Variants in PHF24 observed in about 807,000 individuals in gnomAD.
The protein encoded by PHF24 is PHD finger protein 24.
A neutral mutation model predicts 42.6 loss-of-function variants in PHF24; 25 were observed. The ratio of observed to expected loss-of-function variants is 0.59; its 90% CI spans 0.43 to 0.82. The LOEUF (loss-of-function observed/expected upper bound fraction) is 0.82, where lower values mean the gene tolerates loss of function less well. Among genes scored for constraint, PHF24 ranks in the 40% least tolerant of loss-of-function variants. PHF24 has a pLI of 0.00. For missense variants in PHF24, 470 were observed against 538.1 expected, an observed-to-expected ratio of 0.87 and a Z score of 1.25; for synonymous variants, 185 against 204.8, an observed-to-expected ratio of 0.90 and a Z score of 0.83.
the PHF24 span, chr9:34,727,117 C>T: frequency 1.4e-6 from 2 of 1,423,656 alleles, no homozygotes; most frequent in Non-Finnish European, 1.8e-6. Flanking sequence ...TTGTTGTCTA[C>T]CTGTCTGCTT....
At chr9:34,798,436 G>T in the PHF24 span, among the ~76,000 whole-genome samples, 1 of 152,114 alleles carries the variant, frequency 6.6e-6, no homozygotes, top group Admixed American at 6.5e-5. Flanking sequence ...TCAATGTTTA[G>T]CACCCACTTA....
the PHF24 span, among the ~76,000 whole-genome samples, chr9:34,910,666 T>C: frequency 2.6e-5 from 4 of 152,214 alleles, no homozygotes; most frequent in African/African-American, 9.7e-5. Context: ...TAAAAGTGTA[T>C]TTACATAGTA....
rs1826469738 is a variant in PHF24, at chr9:34,958,469, T to TC, written c.-5+70dup. ...GGGGCGGGTCTGCGGCCGCGGACAG[T>TC]CCTCCGGGACTCTGAGGTGCTTGTG... is the stretch of plus-strand genomic sequence containing the variant. On this transcript the variant is annotated intron_variant, in intron 1 of 7. Coordinates refer to ENST00000242315, the Ensembl canonical transcript of PHF24. The surrounding 1 kb of genome is among the most constrained non-coding windows in gnomAD (Gnocchi z 4.5). 1 of 151,992 alleles carries TC rather than the reference T, an allele frequency of 6.6e-6. No homozygotes were observed. Among genetic ancestry groups the TC allele is most frequent in the South Asian group, 2.1e-4 (1 of 4,834 alleles). The allele number at this position is 151,992 out of a possible 1,614,324, so 9.4% of individuals were successfully genotyped here.
chr9:34,687,898 G>A, the PHF24 span, among the ~76,000 whole-genome samples: 3 of 152,244 alleles, frequency 2.0e-5, no homozygotes, highest in Non-Finnish European at 4.4e-5. Flanking sequence ...GGTGGGAAGT[G>A]CGTGAGTGGA....
the PHF24 span, among the ~76,000 whole-genome samples, chr9:34,823,289 C>T: frequency 6.6e-6 from 1 of 151,224 alleles, no homozygotes; most frequent in African/African-American, 2.4e-5. Context: ...CAGCCTGGCA[C>T]TGCCTCTGAG....
chr9:34,900,496 G>A, the PHF24 span, among the ~76,000 whole-genome samples: 1 of 152,192 alleles, frequency 6.6e-6, no homozygotes, highest in Admixed American at 6.5e-5. Flanking sequence ...CTACTCAGGA[G>A]GCTGAGGTGG....
chr9:34,741,088 G>A, the PHF24 span, among the ~76,000 whole-genome samples: 1 of 152,064 alleles, frequency 6.6e-6, no homozygotes, highest in African/African-American at 2.4e-5. Flanking sequence ...GTTTCACCAT[G>A]TTGGCCAGGC....
At chr9:34,936,008 T>A in the PHF24 span, among the ~76,000 whole-genome samples, 25 of 150,428 alleles carry the variant, frequency 1.7e-4, no homozygotes, top group Admixed American at 1.6e-3. Flanking sequence ...AAAAAAAAAT[T>A]GAGTCTCCCT....
At chr9:34,830,547 C>T in the PHF24 span, among the ~76,000 whole-genome samples, 2 of 152,050 alleles carry the variant, frequency 1.3e-5, no homozygotes, top group Non-Finnish European at 2.9e-5. Context: ...CTTAGAGGTT[C>T]GAAGGAATAT....
the PHF24 span, chr9:34,726,735 T>A: frequency 6.4e-7 from 1 of 1,551,580 alleles, no homozygotes. Flanking sequence ...AGTGTTGGGG[T>A]TACAGATGAC....
At chr9:34,806,759 C>G in the PHF24 span, among the ~76,000 whole-genome samples, 8 of 152,248 alleles carry the variant, frequency 5.3e-5, no homozygotes, top group South Asian at 1.7e-3. Context: ...GTGCCTGGCC[C>G]AGATTATAAG....
the PHF24 span, among the ~76,000 whole-genome samples, chr9:34,916,062 G>T: frequency 6.6e-6 from 1 of 152,168 alleles, no homozygotes; most frequent in Non-Finnish European, 1.5e-5. Flanking sequence ...CTTCTGCCAT[G>T]ATTGTAAGTT....
chr9:34,680,809 T>C, the PHF24 span: 1 of 152,256 alleles, frequency 6.6e-6, no homozygotes, highest in Non-Finnish European at 1.5e-5. Context: ...CTGTAACTTT[T>C]ATCCATATTC....
the PHF24 span, among the ~76,000 whole-genome samples, chr9:34,930,145 C>T: frequency 6.6e-6 from 1 of 152,104 alleles, no homozygotes; most frequent in African/African-American, 2.4e-5. Context: ...GGGGCTTCAT[C>T]CAAGCCTGAA....
chr9:34,666,552 A>ATTTTTTTT, the PHF24 span, among the ~76,000 whole-genome samples: 2 of 132,590 alleles, frequency 1.5e-5, no homozygotes, highest in East Asian at 2.2e-4. Flanking sequence ...TCTTCTTGTG[A>ATTTTTTTT]TTTTTTTTTT....
the PHF24 span, among the ~76,000 whole-genome samples, chr9:34,798,013 C>T: frequency 1.3e-5 from 2 of 151,938 alleles, no homozygotes; most frequent in African/African-American, 4.8e-5. Context: ...TTATAGAGAA[C>T]GTATCAGTGA....
At chr9:34,772,375 A>C in the PHF24 span, among the ~76,000 whole-genome samples, 1 of 152,344 alleles carries the variant, frequency 6.6e-6, no homozygotes, top group African/African-American at 2.4e-5. Flanking sequence ...TAGTATGTTC[A>C]TCAAATGATT....
the PHF24 span, chr9:34,922,627 C>A: frequency 2.0e-6 from 2 of 1,005,762 alleles, no homozygotes; most frequent in Non-Finnish European, 1.6e-6. Flanking sequence ...CCAAAAGGGA[C>A]AGTACATCAT....
chr9:34,721,485 G>A, the PHF24 span, among the ~76,000 whole-genome samples: 6 of 151,532 alleles, frequency 4.0e-5, no homozygotes, highest in Middle Eastern at 3.4e-3. Context: ...CACAGTCTGG[G>A]CTCACTGCAA....
Sources: allele counts gnomAD v4.1 joint callset (sites outside exome capture counted in the v4.1 genomes callset), GRCh38; gene constraint gnomAD v4.1.1; non-coding constraint Gnocchi (gnomAD v3.1); transcripts MANE v1.5; gene names NCBI Gene and HGNC (gene_info 2026-07-23, HGNC 2026-07-21).